MBNL2: variants seen among roughly 807,000 people sequenced by gnomAD.
MBNL2 encodes the protein muscleblind-like protein 2.
Under a neutral mutation model 41.9 loss-of-function variants are expected in MBNL2, and 17 were observed. That is an observed-to-expected ratio of 0.41 (90% confidence interval 0.28 to 0.61). MBNL2 has a LOEUF of 0.61. Ranked by LOEUF, MBNL2 falls within the 20% of genes least tolerant of loss-of-function variation. The pLI is 0.35. For synonymous variants in MBNL2, 195 were observed against 182.9 expected (o/e 1.07, Z -0.53); for missense variants, 336 against 505.6 (o/e 0.66, Z 3.22).
At chr13:97,153,947 A>G in the MBNL2 span, among the ~76,000 whole-genome samples, 1 of 152,328 alleles carries the variant, frequency 6.6e-6, no homozygotes, top group Non-Finnish European at 1.5e-5. Flanking sequence ...ACTCTCTTCC[A>G]ATGATGAGTT....
At chr13:97,262,747 A>T (rs1310804806) in intron 1 of MBNL2, among the ~76,000 whole-genome samples, 2 of 151,022 alleles carry the variant, frequency 1.3e-5, no homozygotes, top group African/African-American at 4.9e-5. Context: ...CACATTTTGA[A>T]GTCCTCCCTC....
chr13:97,240,709 G>A (rs1180118715), intron 1 of MBNL2, among the ~76,000 whole-genome samples: 1 of 152,188 alleles, frequency 6.6e-6, no homozygotes, highest in African/African-American at 2.4e-5. Flanking sequence ...TAAAACACTG[G>A]AGCATGTTAC....
intron 2 of MBNL2, among the ~76,000 whole-genome samples, chr13:97,310,015 AG>A (rs2058447940): frequency 1.3e-5 from 2 of 152,238 alleles, no homozygotes; most frequent in Non-Finnish European, 2.9e-5. Flanking sequence ...TCATTTGAAG[AG>A]ATTTAACCAA....
intron 2 of MBNL2, among the ~76,000 whole-genome samples, chr13:97,287,919 T>G (rs1170173834): frequency 4.1e-4 from 15 of 36,390 alleles, no homozygotes; most frequent in Middle Eastern, 0.016. Flanking sequence ...TAATTTTCTG[T>G]TTTTTTTTTG....
the MBNL2 span, among the ~76,000 whole-genome samples, chr13:97,206,680 C>T: frequency 2.6e-5 from 4 of 152,058 alleles, no homozygotes; most frequent in Admixed American, 6.6e-5. Context: ...AGGACTTGAA[C>T]TTGAGAACTG....
At chr13:97,361,902 T>C (rs184130646) in intron 7 of MBNL2, among the ~76,000 whole-genome samples, 138 of 151,566 alleles carry the variant, frequency 9.1e-4, no homozygotes, top group Non-Finnish European at 1.2e-3. Flanking sequence ...TCCAAGTAGC[T>C]GGGGTTACAA....
At chr13:97,217,096 A>C (rs1477895406), upstream of MBNL2, among the ~76,000 whole-genome samples, 1 of 148,464 alleles carries the variant, frequency 6.7e-6, no homozygotes, top group Non-Finnish European at 1.5e-5. Context: ...TATATGATAT[A>C]TACATATCAT....
the MBNL2 span, among the ~76,000 whole-genome samples, chr13:97,180,005 T>C: frequency 6.6e-6 from 1 of 152,144 alleles, no homozygotes; most frequent in African/African-American, 2.4e-5. Flanking sequence ...CATAAAAAAA[T>C]GAGTTTGTAT....
chr13:97,236,564 T>C (rs1333886318), intron 1 of MBNL2, among the ~76,000 whole-genome samples: 1 of 152,062 alleles, frequency 6.6e-6, no homozygotes, highest in South Asian at 2.1e-4. Flanking sequence ...GCTGGCTACC[T>C]TGTACTTTGT....
chr13:97,262,203 C>A (rs2048770252), intron 1 of MBNL2, among the ~76,000 whole-genome samples: 1 of 152,190 alleles, frequency 6.6e-6, no homozygotes, highest in South Asian at 2.1e-4. Flanking sequence ...ACTGTTCTTG[C>A]AGCAGCAAGT....
At chr13:97,231,076 C>T (rs2042314440) in intron 1 of MBNL2, among the ~76,000 whole-genome samples, 1 of 152,174 alleles carries the variant, frequency 6.6e-6, no homozygotes, top group South Asian at 2.1e-4. Flanking sequence ...TGACACTTGT[C>T]ATCCTGTTCT....
chr13:97,232,890 T>TGTGTGTGTGCGC (rs1491513676), intron 1 of MBNL2, among the ~76,000 whole-genome samples: 14 of 134,568 alleles, frequency 1.0e-4, no homozygotes, highest in Admixed American at 5.3e-4. Context: ...TGTGTGTGTG[T>TGTGTGTGTGCGC]GCGCACGTAC....
upstream of MBNL2, among the ~76,000 whole-genome samples, chr13:97,220,234 CTTAA>C (rs1193498332): frequency 6.6e-5 from 10 of 152,180 alleles, no homozygotes; most frequent in African/African-American, 2.4e-5. Flanking sequence ...TGTGCATTAT[CTTAA>C]TTAATATACG....
the MBNL2 span, among the ~76,000 whole-genome samples, chr13:97,155,665 C>G: frequency 3.6e-3 from 537 of 150,962 alleles, 6 homozygotes; most frequent in East Asian, 0.018. Flanking sequence ...TTTGTTCTTG[C>G]GATAGTTTAC....
At chr13:97,365,057 CT>C (rs2063744756) in intron 7 of MBNL2, 78 bp from the exon 8 acceptor site, 2 of 911,302 alleles carry the variant, frequency 2.2e-6, no homozygotes, top group Admixed American at 3.4e-5. Context: ...TTCAATCTCA[CT>C]TTGAATGTTA....
intron 7 of MBNL2, among the ~76,000 whole-genome samples, chr13:97,363,388 G>T (rs141717675): frequency 6.7e-6 from 1 of 150,008 alleles, no homozygotes; most frequent in Non-Finnish European, 1.5e-5. Flanking sequence ...GTTCAGCAAA[G>T]TAGACAAAGG....
Position 97,268,686 on chromosome 13 carries a change from C to T in MBNL2, c.-604-6946C>T, listed in dbSNP as rs1262557123. On this transcript the variant is annotated intron_variant, in intron 1 of 8. Transcript: ENST00000679496. This position sits in a 1 kb window ranked among gnomAD's most constrained non-coding sequence, Gnocchi z 4.6. ...ATATTCCTTGGAGGAGGATCAGGAGCTCATTCAACAAACATTTGTCCAGTA... is the reference window on the plus strand; with the variant it reads ...ATATTCCTTGGAGGAGGATCAGGAGTTCATTCAACAAACATTTGTCCAGTA... 2.6e-5 allele frequency among the ~76,000 whole-genome samples: 4 copies of T among 152,280 alleles called. No homozygotes were observed. Among genetic ancestry groups the T allele is most frequent in the African/African-American group, 9.6e-5 (4 of 41,544 alleles).
chr13:97,149,275 G>A, the MBNL2 span, among the ~76,000 whole-genome samples: 1 of 152,162 alleles, frequency 6.6e-6, no homozygotes, highest in Non-Finnish European at 1.5e-5. Context: ...TTAATACCTT[G>A]TCTTAAGTGA....
the MBNL2 span, among the ~76,000 whole-genome samples, chr13:97,166,837 T>TAGATAGATAGATAGAAAGAAAGAAAGAA: frequency 5.4e-3 from 773 of 143,404 alleles, 4 homozygotes; most frequent in Middle Eastern, 0.011. Flanking sequence ...GATAGATAGA[T>TAGATAGATAGATAGAAAGAAAGAAAGAA]AGAAAGATAG....
Sources: gnomAD v4.1 joint callset for allele counts (sites outside exome capture counted in the v4.1 genomes callset) on GRCh38, gnomAD v4.1.1 for gene constraint, Gnocchi (gnomAD v3.1) non-coding constraint, MANE v1.5 for transcripts, NCBI Gene and HGNC (gene_info 2026-07-23, HGNC 2026-07-21) for gene names.